The following SGCZ variants were observed in gnomAD, a reference collection of about 807,000 sequenced individuals.
SGCZ encodes zeta-sarcoglycan.
Under a neutral mutation model 41.3 loss-of-function variants are expected in SGCZ, and 40 were observed. That is an observed-to-expected ratio of 0.97 (90% CI 0.75 to 1.26). The LOEUF (loss-of-function observed/expected upper bound fraction) is 1.26. Ranked by LOEUF, SGCZ falls within the 50% of genes most tolerant of loss-of-function variation. The pLI is 0.00. For synonymous variants in SGCZ, 206 were observed against 137.5 expected, an observed-to-expected ratio of 1.50 and a Z score of -3.49; for missense variants, 552 against 369.8, an observed-to-expected ratio of 1.49 and a Z score of -4.04.
chr8:14,702,198 T>G (rs1311049882), intron 1 of SGCZ, among the ~76,000 whole-genome samples: 1 of 152,022 alleles, frequency 6.6e-6, no homozygotes, highest in East Asian at 1.9e-4. Context: ...CTTTCAACTT[T>G]CTATTTGTTG....
chr8:14,720,553 G>A (rs150390039), intron 1 of SGCZ, among the ~76,000 whole-genome samples: 1 of 151,688 alleles, frequency 6.6e-6, no homozygotes, highest in Admixed American at 6.6e-5. Context: ...TGTATCAGTG[G>A]TCATCTGAGT....
intron 2 of SGCZ, among the ~76,000 whole-genome samples, chr8:14,481,357 G>T (rs941257872): frequency 2.6e-5 from 4 of 152,116 alleles, no homozygotes; most frequent in African/African-American, 9.7e-5. Flanking sequence ...GAGATGGGGA[G>T]GGGTCATAGA....
intron 4 of SGCZ, among the ~76,000 whole-genome samples, chr8:14,194,848 G>A (rs1221914079): frequency 2.0e-5 from 3 of 151,726 alleles, no homozygotes; most frequent in Non-Finnish European, 2.9e-5. Context: ...ATAGGCCATG[G>A]GGCACTGGTA....
intron 1 of SGCZ, among the ~76,000 whole-genome samples, chr8:15,100,602 T>C (rs1296356556): frequency 6.6e-6 from 1 of 152,132 alleles, no homozygotes; most frequent in African/African-American, 2.4e-5. Flanking sequence ...CAAATTCAAA[T>C]GTTTATTTGA....
intron 1 of SGCZ, among the ~76,000 whole-genome samples, chr8:14,869,425 G>C (rs1804061567): frequency 6.6e-6 from 1 of 152,256 alleles, no homozygotes; most frequent in African/African-American, 2.4e-5. Flanking sequence ...ACTAGGCATT[G>C]ATGGAACATA....
intron 1 of SGCZ, among the ~76,000 whole-genome samples, chr8:14,704,193 A>G (rs1045121588): frequency 6.6e-6 from 1 of 151,998 alleles, no homozygotes; most frequent in Admixed American, 6.6e-5. Context: ...ATACTCATAG[A>G]TGTTTAAAAA....
intron 2 of SGCZ, among the ~76,000 whole-genome samples, chr8:14,465,229 CAT>C (rs1267721528): frequency 6.6e-6 from 1 of 151,384 alleles, no homozygotes; most frequent in African/African-American, 2.4e-5. Flanking sequence ...ACTTTTGCCT[CAT>C]ATGTTTTGAT....
intron 1 of SGCZ, among the ~76,000 whole-genome samples, chr8:14,668,015 G>A (rs1402045957): frequency 1.3e-5 from 2 of 152,084 alleles, no homozygotes; most frequent in Non-Finnish European, 2.9e-5. Flanking sequence ...GTAGTGCAGT[G>A]GCACAATCCC....
intron 7 of SGCZ, among the ~76,000 whole-genome samples, chr8:14,091,616 A>G (rs924554691): frequency 6.6e-6 from 1 of 152,164 alleles, no homozygotes; most frequent in Admixed American, 6.6e-5. Flanking sequence ...GGCTGCATAA[A>G]TATCTTCTTT....
At chr8:15,185,406 C>T (rs1167248341) in intron 1 of SGCZ, among the ~76,000 whole-genome samples, 1 of 152,102 alleles carries the variant, frequency 6.6e-6, no homozygotes, top group Non-Finnish European at 1.5e-5. Flanking sequence ...AAAAATATAC[C>T]GTGTTCACCA....
At chr8:14,388,116 C>T (rs1320542935) in intron 2 of SGCZ, among the ~76,000 whole-genome samples, 1 of 151,816 alleles carries the variant, frequency 6.6e-6, no homozygotes, top group Non-Finnish European at 1.5e-5. Flanking sequence ...AAGTGAAATG[C>T]ATTATTAAGC....
intron 1 of SGCZ, among the ~76,000 whole-genome samples, chr8:15,082,705 G>A (rs1048530737): frequency 1.3e-5 from 2 of 152,008 alleles, no homozygotes; most frequent in Non-Finnish European, 2.9e-5. Flanking sequence ...ATCCCTGAGA[G>A]GACCTTTGTT....
intron 4 of SGCZ, among the ~76,000 whole-genome samples, chr8:14,167,039 C>CATTG (rs1303139537): frequency 2.0e-5 from 3 of 151,976 alleles, no homozygotes; most frequent in African/African-American, 7.2e-5. Flanking sequence ...ATTAGCAATG[C>CATTG]ATTGATAGTA....
chr8:14,135,779 A>AATACTAACTAGTTTT (rs1190308080), intron 5 of SGCZ, among the ~76,000 whole-genome samples: 2 of 152,186 alleles, frequency 1.3e-5, no homozygotes, highest in Non-Finnish European at 2.9e-5. Context: ...AAGAGGATAA[A>AATACTAACTAGTTTT]ATACTAACTA....
rs146539677 is a variant in SGCZ at position 15,175,280 on chromosome 8, C to A, written c.39+62305G>T. On this transcript the variant is annotated intron_variant, in intron 1 of 7. Transcript: ENST00000382080. ...ACAATAGCAAAAACATGGAATCAAC[C>A]CAAAAGCCCATCAATGACAGACTGG... 4.1e-3 allele frequency among the ~76,000 whole-genome samples: 624 copies of A among 152,002 alleles called. 6 individuals are homozygous for A. Among genetic ancestry groups the A allele is most frequent in the African/African-American group, 0.014 (582 of 41,472 alleles).
intron 1 of SGCZ, among the ~76,000 whole-genome samples, chr8:14,852,071 G>A (rs1385514475): frequency 6.6e-6 from 1 of 151,934 alleles, no homozygotes; most frequent in Non-Finnish European, 1.5e-5. Context: ...CATTTTTTAA[G>A]TTAGTACACT....
Position 14,126,913 on chromosome 8 carries a change from A to G in SGCZ, c.548-18678T>C, listed in dbSNP as rs535031540. ...AAACACCACATGTTCTCATTTATATATGGGAGCTGAACAATGAGAACACAT... is the reference window on the plus strand; with the variant it reads ...AAACACCACATGTTCTCATTTATATGTGGGAGCTGAACAATGAGAACACAT... On this transcript the variant is annotated intron_variant, in intron 5 of 7. Transcript: ENST00000382080. 1.7e-4 allele frequency among the ~76,000 whole-genome samples: 26 copies of G among 152,160 alleles called. No individual in the cohort carries two copies. In the South Asian group the frequency reaches 5.4e-3, roughly 32 times the overall value.
intron 2 of SGCZ, among the ~76,000 whole-genome samples, chr8:14,518,164 A>C (rs1487657014): frequency 1.3e-5 from 2 of 151,990 alleles, no homozygotes; most frequent in African/African-American, 2.4e-5. Context: ...GTAAGGTTTA[A>C]ATTTTTTAAT....
At chr8:14,899,743 C>T (rs1402514877) in intron 1 of SGCZ, among the ~76,000 whole-genome samples, 2 of 151,506 alleles carry the variant, frequency 1.3e-5, no homozygotes, top group Non-Finnish European at 2.9e-5. Flanking sequence ...CAGCCTATAC[C>T]TCAAAATGAG....
Sources: gnomAD v4.1 joint callset for allele counts (sites outside exome capture counted in the v4.1 genomes callset) on GRCh38, gnomAD v4.1.1 for gene constraint, MANE v1.5 for transcripts, NCBI Gene and HGNC (gene_info 2026-07-23, HGNC 2026-07-21) for gene names.